Variants in FER observed in about 807,000 individuals in gnomAD.
FER encodes tyrosine-protein kinase Fer.
In FER, 63 loss-of-function variants were observed where a neutral mutation model predicts 111.0. The observed-to-expected ratio is 0.57, with a 90% CI of 0.46 to 0.70. The LOEUF is 0.70. Ranked by LOEUF, FER falls within the 30% of genes least tolerant of loss-of-function variation. FER has a pLI of 0.00. For missense variants in FER, 914 were observed against 954.0 expected (o/e 0.96, Z 0.55); for synonymous variants, 327 against 313.9 (o/e 1.04, Z -0.44).
At chr5:108,750,553 T>C (rs1339207290) in intron 1 of FER, among the ~76,000 whole-genome samples, 2 of 152,218 alleles carry the variant, frequency 1.3e-5, no homozygotes, top group South Asian at 4.1e-4. Flanking sequence ...CTGCATTGAT[T>C]GTTGACAGCA....
chr5:109,115,329 G>A (rs1404025774), intron 17 of FER, among the ~76,000 whole-genome samples: 1 of 152,044 alleles, frequency 6.6e-6, no homozygotes, highest in African/African-American at 2.4e-5. Flanking sequence ...TTATTGATAG[G>A]TTGGCGATGG....
At chr5:109,109,355 G>A (rs28433735) in intron 17 of FER, among the ~76,000 whole-genome samples, 50,591 of 151,868 alleles carry the variant, frequency 0.33, 8,604 homozygotes, top group African/African-American at 0.36. Flanking sequence ...AGACACATAT[G>A]TAAAATAACT....
intron 13 of FER, among the ~76,000 whole-genome samples, chr5:108,963,384 A>G (rs1178580846): frequency 2.6e-5 from 4 of 152,054 alleles, no homozygotes; most frequent in African/African-American, 9.7e-5. Context: ...CTAACAAGTG[A>G]AACCCCGTCT....
chr5:108,884,056 C>T (rs979847728), intron 9 of FER, among the ~76,000 whole-genome samples: 2 of 151,950 alleles, frequency 1.3e-5, no homozygotes, highest in South Asian at 4.1e-4. Context: ...TTACTGACTT[C>T]ATTATGCTTT....
chr5:109,142,361 T>C (rs1421201625), intron 17 of FER, among the ~76,000 whole-genome samples: 5 of 152,150 alleles, frequency 3.3e-5, no homozygotes, highest in African/African-American at 1.2e-4. Context: ...TTTTATTATA[T>C]AAATGACAAT....
chr5:108,942,793 TA>T (rs1756452606), intron 10 of FER, among the ~76,000 whole-genome samples: 3 of 152,200 alleles, frequency 2.0e-5, no homozygotes, highest in Admixed American at 1.3e-4. Context: ...TCTCTGGGGT[TA>T]TAATTTCCCT....
chr5:108,799,175 T>C (rs986576715), intron 3 of FER, among the ~76,000 whole-genome samples: 7 of 152,234 alleles, frequency 4.6e-5, no homozygotes, highest in Non-Finnish European at 1.0e-4. Flanking sequence ...ATGAATAATG[T>C]ATTTTTTAAA....
At chr5:108,868,478 G>C (rs1285661876) in intron 6 of FER, among the ~76,000 whole-genome samples, 1 of 152,086 alleles carries the variant, frequency 6.6e-6, no homozygotes, top group African/African-American at 2.4e-5. Context: ...TAATTAGTGA[G>C]TCAAATGGAC....
chr5:108,752,580 C>G (rs999436774), intron 1 of FER, among the ~76,000 whole-genome samples: 1 of 151,892 alleles, frequency 6.6e-6, no homozygotes, highest in Non-Finnish European at 1.5e-5. Flanking sequence ...GTTACTGTTT[C>G]TTATTCTGTA....
chr5:108,796,897 A>T (rs780151938), intron 2 of FER, among the ~76,000 whole-genome samples: 1 of 151,868 alleles, frequency 6.6e-6, no homozygotes, highest in South Asian at 2.1e-4. Context: ...AAGGTGTAAG[A>T]CAAAGTCCCC....
rs150736990 is a variant in FER, at chr5:108,954,315, A to T, written c.1330-414A>T. ...ACACTGCTCAGAACCTCTGTGATCA[A>T]GAGTTAATTACATAAAAAAGAAATA... On this transcript the variant is annotated intron_variant, in intron 11 of 19. Transcript: ENST00000281092. Among the ~76,000 whole-genome samples the T allele has an allele frequency of 5.8e-4, 89 of 152,236 alleles. No homozygotes were observed. In the East Asian group the frequency reaches 0.016, roughly 27 times the overall value.
Position 109,180,911 on chromosome 5 carries a change from G to A in FER, c.2203+10G>A. On this transcript the variant is annotated intron_variant, in intron 18 of 19. Transcript: ENST00000281092. The stretch of plus-strand genomic sequence containing the variant: ...GAAGCTCTTAATTATGGTAAGAATA[G>A]ACCACATTTTTTTTTTAATGGTAAA... The A allele has an allele frequency of 6.4e-7, 1 of 1,569,190 alleles. No homozygotes were observed. The highest frequency in any genetic ancestry group is 8.6e-7 in the Non-Finnish European group (1 of 1,164,194).
chr5:108,888,188 A>G (rs1017987970), intron 9 of FER, among the ~76,000 whole-genome samples: 2 of 151,828 alleles, frequency 1.3e-5, no homozygotes, highest in African/African-American at 4.8e-5. Context: ...CAGGAACCTT[A>G]CATTTTTTTC....
intron 13 of FER, among the ~76,000 whole-genome samples, chr5:109,036,745 T>C (rs558368541): frequency 6.6e-6 from 1 of 152,138 alleles, no homozygotes; most frequent in East Asian, 1.9e-4. Context: ...ATTATGGTAT[T>C]GTGGGATTTC....
chr5:109,155,247 A>G (rs1421810158), intron 17 of FER, among the ~76,000 whole-genome samples: 2 of 151,914 alleles, frequency 1.3e-5, no homozygotes, highest in Admixed American at 6.6e-5. Context: ...CCTATCTGGC[A>G]AGAAACTTTC....
At position 109,188,255 on chromosome 5, in the gene FER, T is replaced by G. The variant is rs1158037359; in HGVS notation, c.*680T>G. The G allele has an allele frequency of 7.0e-6, 1 of 142,274 alleles. No individual in the cohort carries two copies. Among genetic ancestry groups the G allele is most frequent in the Non-Finnish European group, 1.5e-5 (1 of 65,230 alleles). 8.8% of individuals were successfully genotyped at this position (142,274 alleles called of 1,614,324 possible). On this transcript the variant is annotated 3_prime_UTR_variant, in exon 20 of 20. Coordinates refer to ENST00000281092, the MANE Select transcript of FER (RefSeq NM_005246.4). ...CGCCTGTAATCCCAGGCATGTAATC[T>G]CATGCCTGGGATTACAGGCGTGAGC...
chr5:108,901,961 A>T (rs963727198), intron 10 of FER, among the ~76,000 whole-genome samples: 7 of 152,236 alleles, frequency 4.6e-5, no homozygotes, highest in Non-Finnish European at 8.8e-5. Context: ...AAAATAAAAT[A>T]AAAATAATTT....
chr5:108,893,309 C>G (rs1271083676), intron 9 of FER, among the ~76,000 whole-genome samples: 3 of 148,668 alleles, frequency 2.0e-5, no homozygotes, highest in Non-Finnish European at 3.0e-5. Context: ...TTTTTTTTTT[C>G]TAAAAGTTTA....
chr5:109,035,961 T>A (rs549661639), intron 13 of FER, among the ~76,000 whole-genome samples: 1 of 152,210 alleles, frequency 6.6e-6, no homozygotes, highest in Non-Finnish European at 1.5e-5. Flanking sequence ...GTTCATCATC[T>A]TTTCTGAACT....
Sources: gnomAD v4.1 joint callset for allele counts (sites outside exome capture counted in the v4.1 genomes callset) on GRCh38, gnomAD v4.1.1 for gene constraint, MANE v1.5 for transcripts, NCBI Gene and HGNC (gene_info 2026-07-23, HGNC 2026-07-21) for gene names.